Variants in CACNA2D1 observed in about 807,000 individuals in gnomAD.
The protein encoded by CACNA2D1 is voltage-dependent calcium channel subunit alpha-2/delta-1.
A neutral mutation model predicts 171.5 loss-of-function variants in CACNA2D1; 53 were observed. The ratio of observed to expected loss-of-function variants is 0.31; its 90% CI spans 0.25 to 0.39. The LOEUF (loss-of-function observed/expected upper bound fraction) is 0.39. Ranked by LOEUF, CACNA2D1 falls within the 10% of genes least tolerant of loss-of-function variation. The pLI is 1.00. For synonymous variants in CACNA2D1, 442 were observed against 443.1 expected (o/e 1.00, Z 0.03); for missense variants, 903 against 1,299.8 (o/e 0.69, Z 4.69).
At position 82,099,757 on chromosome 7, in the gene CACNA2D1, T is replaced by C. The variant is rs1812443880; in HGVS notation, c.527-14857A>G. Among the ~76,000 whole-genome samples, 8 of 152,100 alleles carry C rather than the reference T, an allele frequency of 5.3e-5. 1 individual carries two copies. The highest frequency in any genetic ancestry group is 5.2e-4 in the Admixed American group (8 of 15,274). ...AGCCACCGCGCCCGGCCGCAATACCTTCTTAAACAGGAAGGTAGGAGTGTG... is the reference window on the plus strand; with the variant it reads ...AGCCACCGCGCCCGGCCGCAATACCCTCTTAAACAGGAAGGTAGGAGTGTG... On this transcript the variant is annotated intron_variant, in intron 6 of 38. Transcript: ENST00000356860.
chr7:81,950,419 T>C lies in CACNA2D1; in HGVS notation c.3249A>G (p.Val1083=). 6.2e-7 allele frequency: 1 copy of C among 1,613,074 alleles called. No individual in the cohort carries two copies. The highest frequency in any genetic ancestry group is 8.5e-7 in the Non-Finnish European group (1 of 1,179,534). Residue 1083 remains valine, a synonymous_variant, in exon 39 of 39, where the codon GTA becomes GTG. Transcript: ENST00000356860. ...IGIQFLLLWL[V]SGSTHRLL ...ATAACAGGCGGTGTGTGCTGCCAGATACCAGCCAAAGTAGTAGAAACTGGA... is the reference window on the plus strand; with the variant it reads ...ATAACAGGCGGTGTGTGCTGCCAGACACCAGCCAAAGTAGTAGAAACTGGA...
chr7:82,213,652 G>A (rs1800794582), intron 3 of CACNA2D1, among the ~76,000 whole-genome samples: 1 of 152,192 alleles, frequency 6.6e-6, no homozygotes, highest in African/African-American at 2.4e-5. Flanking sequence ...CTTTCTCTAT[G>A]TTGAATGTAA....
chr7:82,407,716 G>A (rs1442884404), intron 1 of CACNA2D1, among the ~76,000 whole-genome samples: 2 of 152,124 alleles, frequency 1.3e-5, no homozygotes, highest in African/African-American at 2.4e-5. Context: ...TTAAATAAGA[G>A]TTCTCTGGAT....
At chr7:81,995,272 G>C (rs2130780738) in intron 19 of CACNA2D1, among the ~76,000 whole-genome samples, 1 of 152,218 alleles carries the variant, frequency 6.6e-6, no homozygotes, top group East Asian at 1.9e-4. Flanking sequence ...ACATAGAAAT[G>C]TATATGTACA....
chr7:82,216,012 G>A (rs911824257), intron 3 of CACNA2D1, among the ~76,000 whole-genome samples: 1 of 152,006 alleles, frequency 6.6e-6, no homozygotes, highest in Non-Finnish European at 1.5e-5. Flanking sequence ...ATCTTAACTA[G>A]TCAAAAATCA....
At chr7:82,023,338 A>G (rs150750709) in intron 12 of CACNA2D1, among the ~76,000 whole-genome samples, 3 of 151,994 alleles carry the variant, frequency 2.0e-5, no homozygotes, top group Non-Finnish European at 4.4e-5. Context: ...TTAATTCCCA[A>G]GAGTAGCACA....
rs1239564422 is a variant in CACNA2D1, at chr7:82,003,166, GAATT to G, written c.1590+2253_1590+2256del. On this transcript the variant is annotated intron_variant, in intron 18 of 38. Transcript: ENST00000356860. ...ATAAATGGAAATCATAATATTTACT[GAATT>G]AATGATGAGAATTCATAAGCATGAA... 2.6e-5 allele frequency among the ~76,000 whole-genome samples: 4 copies of G among 152,100 alleles called. No homozygotes were observed. In the South Asian group the frequency reaches 6.2e-4, roughly 24 times the overall value.
chr7:82,055,950 T>TATATATATATA (rs1327973456), intron 10 of CACNA2D1, among the ~76,000 whole-genome samples: 1 of 94,980 alleles, frequency 1.1e-5, no homozygotes, highest in Admixed American at 1.0e-4. Flanking sequence ...ATATATATAA[T>TATATATATATA]TTTTTAAAAA....
intron 10 of CACNA2D1, among the ~76,000 whole-genome samples, chr7:82,045,822 T>C (rs1277939406): frequency 6.6e-6 from 1 of 152,146 alleles, no homozygotes; most frequent in African/African-American, 2.4e-5. Flanking sequence ...CTTCCCATTA[T>C]ATAGTTGAGG....
chr7:82,075,947 T>C (rs1325278135), intron 7 of CACNA2D1, among the ~76,000 whole-genome samples: 1 of 152,180 alleles, frequency 6.6e-6, no homozygotes, highest in Non-Finnish European at 1.5e-5. Context: ...GCAATACTTA[T>C]TTACATATTT....
chr7:82,016,603 G>A (rs2130972480), intron 12 of CACNA2D1, among the ~76,000 whole-genome samples: 1 of 20,112 alleles, frequency 5.0e-5, no homozygotes, highest in Non-Finnish European at 1.0e-4. Flanking sequence ...ATAAACACTA[G>A]CCGCCCGCCC....
intron 1 of CACNA2D1, among the ~76,000 whole-genome samples, chr7:82,379,098 G>A (rs75098019): frequency 9.0e-4 from 137 of 152,152 alleles, no homozygotes; most frequent in African/African-American, 3.2e-3. Context: ...TTAAACAGGG[G>A]TGAGAGAGGG....
chr7:82,385,186 C>G (rs1237812128), intron 1 of CACNA2D1, among the ~76,000 whole-genome samples: 2 of 152,224 alleles, frequency 1.3e-5, no homozygotes, highest in Non-Finnish European at 2.9e-5. Flanking sequence ...GCTCGTCTGT[C>G]CCTTTCTGTC....
chr7:82,150,779 A>T (rs1793777005), intron 4 of CACNA2D1, among the ~76,000 whole-genome samples: 1 of 152,202 alleles, frequency 6.6e-6, no homozygotes, highest in Non-Finnish European at 1.5e-5. Flanking sequence ...TAGGGCATAG[A>T]TTACAGTTTA....
chr7:82,357,393 T>A (rs1260350315), intron 1 of CACNA2D1, among the ~76,000 whole-genome samples: 1 of 152,102 alleles, frequency 6.6e-6, no homozygotes, highest in Admixed American at 6.6e-5. Context: ...CCAGTGTGCA[T>A]AGTTATCTAT....
At chr7:82,119,422 T>A (rs1031689322) in intron 5 of CACNA2D1, among the ~76,000 whole-genome samples, 3 of 152,164 alleles carry the variant, frequency 2.0e-5, no homozygotes, top group African/African-American at 7.2e-5. Flanking sequence ...TAATGTTGGA[T>A]GAGGAGGTCA....
At chr7:82,169,214 C>CA (rs1164137001) in intron 4 of CACNA2D1, among the ~76,000 whole-genome samples, 1 of 152,016 alleles carries the variant, frequency 6.6e-6, no homozygotes, top group African/African-American at 2.4e-5. Flanking sequence ...GATGAGCTTA[C>CA]AGTTTGCTCG....
chr7:82,262,271 C>T (rs566251586), intron 3 of CACNA2D1, among the ~76,000 whole-genome samples: 15 of 152,274 alleles, frequency 9.9e-5, no homozygotes, highest in African/African-American at 3.4e-4. Flanking sequence ...GTGGAGCTTG[C>T]GGTGAGCCGA....
intron 3 of CACNA2D1, among the ~76,000 whole-genome samples, chr7:82,299,407 TCC>T: frequency 6.6e-6 from 1 of 152,212 alleles, no homozygotes; most frequent in South Asian, 2.1e-4. Flanking sequence ...ACGTCTGTAA[TCC>T]CAGCACTTTG....
Sources: gnomAD v4.1 joint callset for allele counts (sites outside exome capture counted in the v4.1 genomes callset) on GRCh38, gnomAD v4.1.1 for gene constraint, MANE v1.5 for transcripts, NCBI Gene and HGNC (gene_info 2026-07-23, HGNC 2026-07-21) for gene names.